The following KAZN variants were observed in gnomAD, a reference collection of about 807,000 sequenced individuals.
KAZN encodes the protein kazrin, periplakin interacting protein.
Under a neutral mutation model 87.4 loss-of-function variants are expected in KAZN, and 40 were observed. That is an observed-to-expected ratio of 0.46 (90% confidence interval 0.36 to 0.60). The LOEUF (loss-of-function observed/expected upper bound fraction) is 0.60. Ranked by LOEUF, KAZN falls within the 20% of genes least tolerant of loss-of-function variation. The pLI, the probability that KAZN is intolerant of heterozygous loss-of-function variation, is 0.00. For missense variants in KAZN, 898 were observed against 1,073.9 expected (o/e 0.84, Z 2.29); for synonymous variants, 466 against 458.3 (o/e 1.02, Z -0.22).
At chr1:14,793,889 C>A (rs1037590087) in intron 1 of KAZN, among the ~76,000 whole-genome samples, 1 of 152,190 alleles carries the variant, frequency 6.6e-6, no homozygotes, top group Non-Finnish European at 1.5e-5. Context: ...AACAAGACCA[C>A]CCTCCCCAGG....
intron 4 of KAZN, among the ~76,000 whole-genome samples, chr1:15,048,026 C>T (rs1673769063): frequency 6.6e-6 from 1 of 152,136 alleles, no homozygotes; most frequent in Non-Finnish European, 1.5e-5. Context: ...ACAGAGGTGG[C>T]AAAGCTCACA....
intron 1 of KAZN, among the ~76,000 whole-genome samples, chr1:14,013,738 C>T (rs1376450777): frequency 2.0e-5 from 3 of 152,216 alleles, no homozygotes; most frequent in African/African-American, 7.2e-5. Flanking sequence ...TAAATGGAAG[C>T]ATTCCTCCTT....
chr1:14,406,297 T>C (rs990949002), intron 2 of KAZN, among the ~76,000 whole-genome samples: 1 of 152,092 alleles, frequency 6.6e-6, no homozygotes, highest in Non-Finnish European at 1.5e-5. Flanking sequence ...TAGGATACCA[T>C]CAATCAACAA....
At chr1:14,202,092 T>A (rs552404551) in intron 2 of KAZN, among the ~76,000 whole-genome samples, 1 of 152,340 alleles carries the variant, frequency 6.6e-6, no homozygotes, top group African/African-American at 2.4e-5. Context: ...AGTATCAACA[T>A]CATTCCCATG....
intron 2 of KAZN, among the ~76,000 whole-genome samples, chr1:14,461,839 A>T (rs561381686): frequency 7.9e-5 from 12 of 152,144 alleles, no homozygotes; most frequent in African/African-American, 2.9e-4. Context: ...AAGAAAACAG[A>T]AACTGAAAAC....
At chr1:14,347,684 C>T (rs1375848819) in intron 2 of KAZN, among the ~76,000 whole-genome samples, 1 of 151,960 alleles carries the variant, frequency 6.6e-6, no homozygotes, top group Non-Finnish European at 1.5e-5. Flanking sequence ...ATATATTATA[C>T]ATTATATATA....
At chr1:14,907,563 G>A (rs368824351) in intron 1 of KAZN, among the ~76,000 whole-genome samples, 1 of 152,156 alleles carries the variant, frequency 6.6e-6, no homozygotes, top group East Asian at 1.9e-4. Context: ...GCCTAAGAGG[G>A]CCAATTGAGT....
At chr1:14,143,975 C>T (rs1645294214) in intron 1 of KAZN, among the ~76,000 whole-genome samples, 1 of 152,174 alleles carries the variant, frequency 6.6e-6, no homozygotes, top group Non-Finnish European at 1.5e-5. Flanking sequence ...GTCTCAGCTT[C>T]TCAAAGTGCT....
At chr1:14,032,114 C>T (rs1220278272) in intron 1 of KAZN, among the ~76,000 whole-genome samples, 1 of 152,156 alleles carries the variant, frequency 6.6e-6, no homozygotes, top group African/African-American at 2.4e-5. Flanking sequence ...AAAACAACTT[C>T]CCATCCCCTG....
At chr1:14,617,235 C>A (rs1316103220) in intron 1 of KAZN, among the ~76,000 whole-genome samples, 1 of 152,190 alleles carries the variant, frequency 6.6e-6, no homozygotes, top group Non-Finnish European at 1.5e-5. Flanking sequence ...CAGACTACCA[C>A]AATAAAGCAA....
chr1:14,769,726 C>G lies in KAZN; in HGVS notation c.226+170503C>G, dbSNP rs12141316. Among the ~76,000 whole-genome samples the G allele has an allele frequency of 0.19, 28,658 of 152,200 alleles. 2,930 individuals are homozygous for G. The highest frequency in any genetic ancestry group is 0.3 in the South Asian group (1,448 of 4,820). On this transcript the variant is annotated intron_variant, in intron 1 of 14. Transcript: ENST00000376030. The surrounding 1 kb of genome is among the most constrained non-coding windows in gnomAD (Gnocchi z 4.1). ...TGATTGCGGGAAATTAACACTGGTC[C>G]TTCATTCGTTCATTTAGTCAGCAAA...
intron 2 of KAZN, among the ~76,000 whole-genome samples, chr1:14,444,996 T>G (rs1305484672): frequency 1.3e-5 from 2 of 151,412 alleles, no homozygotes; most frequent in Non-Finnish European, 2.9e-5. Context: ...AATGAGGTCA[T>G]TAGGGTGGGC....
At chr1:14,107,893 C>G (rs555730003) in intron 1 of KAZN, among the ~76,000 whole-genome samples, 1 of 152,170 alleles carries the variant, frequency 6.6e-6, no homozygotes, top group Non-Finnish European at 1.5e-5. Context: ...CCCACCTTGT[C>G]ACACTCCAGC....
intron 1 of KAZN, among the ~76,000 whole-genome samples, chr1:14,818,072 TAAC>T (rs1291459349): frequency 6.6e-6 from 1 of 152,258 alleles, no homozygotes; most frequent in East Asian, 1.9e-4. Context: ...CTGGCATACC[TAAC>T]ATCATCCTTC....
rs139297549 is a variant in KAZN at position 14,671,670 on chromosome 1, C to T, written c.226+72447C>T. On this transcript the variant is annotated intron_variant, in intron 1 of 14. Coordinates refer to ENST00000376030, the MANE Select transcript of KAZN (RefSeq NM_201628.3). ...TTTTTTAAAGGACTGTTTGAAACAT[C>T]CTAATTTTATGATGCCAGCAAAGGA... Among the ~76,000 whole-genome samples the T allele has an allele frequency of 4.4e-3, 671 of 152,176 alleles. 2 individuals carry two copies. Among genetic ancestry groups the T allele is most frequent in the Non-Finnish European group, 5.4e-3 (365 of 68,006 alleles).
At chr1:14,744,038 A>G (rs1389824494) in intron 1 of KAZN, among the ~76,000 whole-genome samples, 1 of 152,184 alleles carries the variant, frequency 6.6e-6, no homozygotes, top group African/African-American at 2.4e-5. Flanking sequence ...CAGGCTATCA[A>G]GAGAAACTAG....
At chr1:14,687,385 G>A (rs1381644027) in intron 1 of KAZN, among the ~76,000 whole-genome samples, 1 of 152,212 alleles carries the variant, frequency 6.6e-6, no homozygotes, top group African/African-American at 2.4e-5. Flanking sequence ...TCAGAGAACT[G>A]GAGGAGCCCA....
rs556304128 is a variant in KAZN at position 14,980,325 on chromosome 1, T to C, written c.418+19450T>C. On this transcript the variant is annotated intron_variant, in intron 2 of 14. Transcript: ENST00000376030. ...TCTATTAAAAGTTGTGTTGGGAGAG[T>C]GGGAGTCAACAGGGATTTCCCGAGA... Among the ~76,000 whole-genome samples, 338 of 151,912 alleles carry C rather than the reference T, an allele frequency of 2.2e-3. 3 individuals carry two copies. Among genetic ancestry groups the C allele is most frequent in the African/African-American group, 7.7e-3 (317 of 41,416 alleles).
chr1:14,539,347 C>T (rs1411606861), intron 2 of KAZN, among the ~76,000 whole-genome samples: 3 of 152,120 alleles, frequency 2.0e-5, no homozygotes, highest in Non-Finnish European at 2.9e-5. Context: ...GTTGTATCCT[C>T]GACTGGATCC....
Sources: allele counts gnomAD v4.1 joint callset (sites outside exome capture counted in the v4.1 genomes callset), GRCh38; gene constraint gnomAD v4.1.1; non-coding constraint Gnocchi (gnomAD v3.1); transcripts MANE v1.5; gene names NCBI Gene and HGNC (gene_info 2026-07-23, HGNC 2026-07-21).